The following IGF2BP2 variants were observed in gnomAD, a reference collection of about 807,000 sequenced individuals.
The protein encoded by IGF2BP2 is insulin like growth factor 2 mRNA binding protein 2.
Under a neutral mutation model 75.8 loss-of-function variants are expected in IGF2BP2, and 17 were observed. That is an observed-to-expected ratio of 0.22 (90% CI 0.15 to 0.34). The LOEUF is 0.34. Among genes scored for constraint, IGF2BP2 ranks in the 10% least tolerant of loss-of-function variants. The pLI, the probability that IGF2BP2 is intolerant of heterozygous loss-of-function variation, is 1.00. For synonymous variants in IGF2BP2, 288 were observed against 295.6 expected, an observed-to-expected ratio of 0.97 and a Z score of 0.26; for missense variants, 516 against 772.4, an observed-to-expected ratio of 0.67 and a Z score of 3.93.
chr3:185,730,539 G>A (rs186680508), intron 2 of IGF2BP2, among the ~76,000 whole-genome samples: 328 of 147,390 alleles, frequency 2.2e-3, no homozygotes, highest in African/African-American at 7.9e-3. Context: ...GGTTCAAACA[G>A]TTCTCATACC....
At chr3:185,773,506 T>C (rs1370361013) in intron 2 of IGF2BP2, among the ~76,000 whole-genome samples, 1 of 152,234 alleles carries the variant, frequency 6.6e-6, no homozygotes, top group Non-Finnish European at 1.5e-5. Context: ...CCCAGATATA[T>C]GGTTTTAAAA....
At chr3:185,711,659 G>A (rs906491232) in intron 2 of IGF2BP2, among the ~76,000 whole-genome samples, 3 of 152,152 alleles carry the variant, frequency 2.0e-5, no homozygotes, top group Non-Finnish European at 2.9e-5. Context: ...CTCAGCAGGT[G>A]GCCACAGGCA....
At chr3:185,694,077 T>C (rs1388328585) in intron 4 of IGF2BP2, among the ~76,000 whole-genome samples, 1 of 152,220 alleles carries the variant, frequency 6.6e-6, no homozygotes, top group Admixed American at 6.5e-5. Flanking sequence ...CAGGGAGTTG[T>C]ATGTAATGCT....
chr3:185,646,961 C>G (rs1448460948), intron 15 of IGF2BP2, 64 bp downstream of exon 15: 1 of 1,274,254 alleles, frequency 7.8e-7, no homozygotes, highest in South Asian at 1.2e-5. Flanking sequence ...GACAGGCCAC[C>G]AGCAGCTTAG....
chr3:185,658,971 T>C lies in IGF2BP2; in HGVS notation c.1201-562A>G, dbSNP rs148867150. 1.8e-3 allele frequency among the ~76,000 whole-genome samples: 281 copies of C among 152,166 alleles called. 1 individual carries two copies. The highest frequency in any genetic ancestry group is 7.0e-3 in the East Asian group (36 of 5,170). On this transcript the variant is annotated intron_variant, in intron 10 of 15. Transcript: ENST00000382199. Reference sequence around the variant, plus strand: ...GAGAAATGTCAAAGGAGACTGAGCTTTGGGAATCTGAAATGGGAGGATCAC... The same window carrying C: ...GAGAAATGTCAAAGGAGACTGAGCTCTGGGAATCTGAAATGGGAGGATCAC...
At chr3:185,739,974 C>T (rs757409110) in intron 2 of IGF2BP2, among the ~76,000 whole-genome samples, 1 of 151,152 alleles carries the variant, frequency 6.6e-6, no homozygotes, top group African/African-American at 2.4e-5. Context: ...TCCCACCTCA[C>T]CCTCCTGAGT....
At chr3:185,655,705 G>A (rs1339698319) in intron 12 of IGF2BP2, among the ~76,000 whole-genome samples, 3 of 152,190 alleles carry the variant, frequency 2.0e-5, no homozygotes, top group African/African-American at 7.2e-5. Context: ...CAGCCCATGC[G>A]ACTGATCTCT....
chr3:185,691,094 T>C (rs906964298), intron 5 of IGF2BP2, among the ~76,000 whole-genome samples: 3 of 152,176 alleles, frequency 2.0e-5, no homozygotes, highest in African/African-American at 7.2e-5. Flanking sequence ...CTATTACCTT[T>C]TTCTTTTTTT....
At chr3:185,813,477 A>C (rs1187598145) in intron 2 of IGF2BP2, among the ~76,000 whole-genome samples, 1 of 152,226 alleles carries the variant, frequency 6.6e-6, no homozygotes, top group Non-Finnish European at 1.5e-5. Context: ...GCTCGAAAAG[A>C]AAGGGGTAAA....
rs111492586 is a variant in IGF2BP2 at position 185,647,241 on chromosome 3, G to C, written c.1594-103C>G. ...CCAAGAGGTGGAGCAGGGGAAGGAG[G>C]GGGGCTGGACTCTGCTCTCCTTTCC... On this transcript the variant is annotated intron_variant, in intron 14 of 15. Transcript: ENST00000382199. This position sits in a 1 kb window ranked among gnomAD's most constrained non-coding sequence, Gnocchi z 4.9. 62 of 844,750 alleles carry C rather than the reference G, an allele frequency of 7.3e-5. No individual in the cohort carries two copies. The highest frequency in any genetic ancestry group is 6.0e-4 in the African/African-American group (36 of 60,350). 52.3% of individuals were successfully genotyped at this position (844,750 alleles called of 1,614,324 possible). A position where few individuals can be genotyped will look rare whatever the true frequency, so the allele number is the denominator to read the frequency against.
chr3:185,704,286 G>A (rs535508165), intron 2 of IGF2BP2, among the ~76,000 whole-genome samples: 22 of 152,230 alleles, frequency 1.4e-4, no homozygotes, highest in Admixed American at 6.5e-5. Context: ...TCTATTGCAC[G>A]CGCTCATTAG....
rs202064714 is a variant in IGF2BP2 at position 185,820,235 on chromosome 3, TACACACACACAC to T, written c.239+2906_239+2917del. ...GTGTGTGTATGTGTATATATACACA[TACACACACACAC>T]ACACACACACACACACACACACACA... On this transcript the variant is annotated intron_variant, in intron 2 of 15. Coordinates refer to ENST00000382199, the MANE Select transcript of IGF2BP2 (RefSeq NM_006548.6). Among the ~76,000 whole-genome samples the T allele has an allele frequency of 5.6e-3, 576 of 102,816 alleles. 4 individuals carry two copies. Among genetic ancestry groups the T allele is most frequent in the South Asian group, 0.013 (38 of 3,010 alleles). 67.5% of individuals were successfully genotyped at this position (102,816 alleles called of 152,430 possible). A position where few individuals can be genotyped will look rare whatever the true frequency, so the allele number is the denominator to read the frequency against.
intron 2 of IGF2BP2, among the ~76,000 whole-genome samples, chr3:185,734,593 A>G (rs1013174740): frequency 6.6e-6 from 1 of 152,216 alleles, no homozygotes; most frequent in Non-Finnish European, 1.5e-5. Context: ...GCACCTGGCA[A>G]TTATCTTTAT....
intron 2 of IGF2BP2, among the ~76,000 whole-genome samples, chr3:185,732,462 G>C (rs1384452299): frequency 1.3e-5 from 2 of 152,136 alleles, no homozygotes; most frequent in Non-Finnish European, 2.9e-5. Context: ...TGACTCACTA[G>C]CAAGTCTTGA....
chr3:185,753,825 T>C (rs1273775025), intron 2 of IGF2BP2, among the ~76,000 whole-genome samples: 1 of 151,722 alleles, frequency 6.6e-6, no homozygotes, highest in East Asian at 1.9e-4. Context: ...ATCATGGGGG[T>C]GGATCCCTCA....
chr3:185,725,044 G>C (rs1727120444), intron 2 of IGF2BP2: 1 of 152,250 alleles, frequency 6.6e-6, no homozygotes, highest in African/African-American at 2.4e-5. Flanking sequence ...CCAGCTGACA[G>C]GCCGCATCAA....
Position 185,652,149 on chromosome 3 carries a change from G to A in IGF2BP2, c.1406C>T (p.Pro469Leu), listed in dbSNP as rs763506380. 1.2e-6 allele frequency: 2 copies of A among 1,612,734 alleles called. No individual in the cohort carries two copies. Among genetic ancestry groups the A allele is most frequent in the South Asian group, 1.1e-5 (1 of 90,830 alleles). ...GATGACCATCCTTTCGCTGACGTCT[G>A]GGCCTTCCGCAGGGGCAATCTGTGG... ...ASIKIAPAEG[P>L]DVSERMVIIT... Residue 469 changes from proline to leucine, a missense_variant, in exon 13 of 16, where the codon CCA (proline) becomes CTA (leucine). Coordinates refer to ENST00000382199, the MANE Select transcript of IGF2BP2 (RefSeq NM_006548.6).
At chr3:185,694,719 T>C (rs1010772916) in intron 4 of IGF2BP2, among the ~76,000 whole-genome samples, 1 of 152,234 alleles carries the variant, frequency 6.6e-6, no homozygotes, top group Non-Finnish European at 1.5e-5. Flanking sequence ...CAGTTTATAA[T>C]ATAATCTTAA....
Position 185,824,984 on chromosome 3 carries a change from G to A in IGF2BP2, c.-24C>T. On this transcript the variant is annotated 5_prime_UTR_variant, in exon 1 of 16. Transcript: ENST00000382199. ...ATCCGTCTCTTCCCCGAGAGCCCGC[G>A]GCTCCCCCGGCCCGGTACCCGGCGC... 6.8e-7 allele frequency: 1 copy of A among 1,469,204 alleles called. No homozygotes were observed. The highest frequency in any genetic ancestry group is 1.4e-5 in the African/African-American group (1 of 70,012). 91.0% of individuals were successfully genotyped at this position (1,469,204 alleles called of 1,614,324 possible). A position where few individuals can be genotyped will look rare whatever the true frequency, so the allele number is the denominator to read the frequency against.
Sources: gnomAD v4.1 joint callset for allele counts (sites outside exome capture counted in the v4.1 genomes callset) on GRCh38, gnomAD v4.1.1 for gene constraint, Gnocchi (gnomAD v3.1) non-coding constraint, MANE v1.5 for transcripts, NCBI Gene and HGNC (gene_info 2026-07-23, HGNC 2026-07-21) for gene names.